The following CLPTM1L variants were observed in gnomAD, a reference collection of about 807,000 sequenced individuals.
CLPTM1L encodes the protein CLPTM1 like.
Under a neutral mutation model 70.9 loss-of-function variants are expected in CLPTM1L, and 38 were observed. That is an observed-to-expected ratio of 0.54 (90% CI 0.41 to 0.70). The LOEUF (loss-of-function observed/expected upper bound fraction) is 0.70, where lower values mean the gene tolerates loss of function less well. Among genes scored for constraint, CLPTM1L ranks in the 30% least tolerant of loss-of-function variants. The pLI is 0.00. For synonymous variants in CLPTM1L, 339 were observed against 299.9 expected (o/e 1.13, Z -1.35); for missense variants, 652 against 705.9 (o/e 0.92, Z 0.87).
chr5:1,321,578 G>T, intron 15 of CLPTM1L, 57 bp downstream of exon 15: 1 of 1,491,412 alleles, frequency 6.7e-7, no homozygotes, highest in Non-Finnish European at 9.4e-7. Context: ...GCTGGAAGAC[G>T]CCCTTGCTCA....
intron 15 of CLPTM1L, among the ~76,000 whole-genome samples, chr5:1,321,393 A>AAAG (rs10627644): frequency 0.01 from 1,593 of 152,352 alleles, 17 homozygotes; most frequent in African/African-American, 0.036. Flanking sequence ...AAACACTAAA[A>AAAG]AAGAAAAAGA....
chr5:1,323,684 C>T (rs1752325595), intron 12 of CLPTM1L, 103 bp downstream of exon 12: 18 of 923,678 alleles, frequency 1.9e-5, no homozygotes, highest in East Asian at 2.6e-5. Context: ...CCAAGTGCCC[C>T]GGCCCCGAGT....
chr5:1,338,009 G>C, intron 4 of CLPTM1L, 27 bp from the exon 5 acceptor site: 1 of 1,573,784 alleles, frequency 6.4e-7, no homozygotes, highest in African/African-American at 1.3e-5. Flanking sequence ...ACTTTCCAAA[G>C]TCAGCACCAA....
intron 2 of CLPTM1L, among the ~76,000 whole-genome samples, chr5:1,344,072 T>G (rs570671006): frequency 1.2e-4 from 19 of 152,354 alleles, no homozygotes; most frequent in African/African-American, 4.1e-4. Context: ...TCACCAAGCG[T>G]GGCCCCTGCT....
chr5:1,339,027 G>C (rs1254043260), intron 3 of CLPTM1L, 22 bp from the exon 4 acceptor site: 7 of 1,606,984 alleles, frequency 4.4e-6, no homozygotes, highest in Non-Finnish European at 6.0e-6. Flanking sequence ...GGAAAACAGA[G>C]GCCAATGCTG....
At chr5:1,325,889 G>T in intron 9 of CLPTM1L, 73 bp from the exon 10 acceptor site, 1 of 1,308,172 alleles carries the variant, frequency 7.6e-7, no homozygotes. Flanking sequence ...GACCCAGACA[G>T]TAACGGGTAG....
At chr5:1,330,507 C>T in intron 8 of CLPTM1L, 124 bp from the exon 9 acceptor site, 1 of 681,308 alleles carries the variant, frequency 1.5e-6, no homozygotes. Flanking sequence ...TCAGGTACTC[C>T]CCAGTCCACG....
At chr5:1,324,684 G>C in intron 11 of CLPTM1L, 79 bp downstream of exon 11, 2 of 1,328,078 alleles carry the variant, frequency 1.5e-6, no homozygotes, top group South Asian at 1.2e-5. Context: ...TCCGCACTGA[G>C]CAATGACAGT....
intron 5 of CLPTM1L, 86 bp downstream of exon 5, chr5:1,337,818 G>A: frequency 9.5e-7 from 1 of 1,057,194 alleles, no homozygotes; most frequent in South Asian, 1.3e-5. Context: ...CAATGGCCCG[G>A]TCCATTAGGG....
At chr5:1,320,383 C>T (rs562087743) in intron 16 of CLPTM1L, 5 of 421,302 alleles carry the variant, frequency 1.2e-5, no homozygotes, top group East Asian at 3.7e-5. Flanking sequence ...CACATAGAAA[C>T]GAGCATTTCT....
At position 1,329,392 on chromosome 5, in the gene CLPTM1L, ACT is replaced by A. The variant is rs1302435918; in HGVS notation, c.1080+886_1080+887del. On this transcript the variant is annotated intron_variant, in intron 9 of 16. Coordinates refer to ENST00000320895, the MANE Select transcript of CLPTM1L (RefSeq NM_030782.5). ...TGGGATTTCTCAAGCACATGAAAAC[ACT>A]CTGTTTGGTGGACAGGGCCTCAGGC... 8.5e-5 allele frequency among the ~76,000 whole-genome samples: 13 copies of A among 152,196 alleles called. No homozygotes were observed. In the East Asian group the frequency reaches 1.2e-3, roughly 14 times the overall value.
In CLPTM1L at chr5:1,345,046, G is replaced by C. The variant is rs1198118025; in HGVS notation, c.-205C>G. 2 of 168,300 alleles carry C rather than the reference G, an allele frequency of 1.2e-5. No individual in the cohort carries two copies. Among genetic ancestry groups the C allele is most frequent in the African/African-American group, 2.4e-5 (1 of 41,378 alleles). The allele number at this position is 168,300 out of a possible 1,614,324, so 10.4% of individuals were successfully genotyped here. A position where few individuals can be genotyped will look rare whatever the true frequency, so the allele number is the denominator to read the frequency against. The stretch of plus-strand genomic sequence containing the variant: ...TCCGGCCCCGCTCCCACCTGGCGCC[G>C]CGGGATTCGCCGGCCCCGCGCGCCG... On this transcript the variant is annotated 5_prime_UTR_variant, in exon 1 of 17. Transcript: ENST00000320895.
Position 1,344,697 on chromosome 5 carries a change from G to A in CLPTM1L, c.145C>T (p.Arg49Trp), listed in dbSNP as rs1273354043. The change falls in exon 1 of 17, where the codon CGG (arginine) becomes TGG (tryptophan). Residue 49 changes from arginine (R) to tryptophan (W), a missense_variant. Around this residue, in one of 3 missense-constraint regions of CLPTM1L, gnomAD observed 402 missense variants for 388.2 expected, o/e 1.04. Coordinates refer to ENST00000320895, the MANE Select transcript of CLPTM1L (RefSeq NM_030782.5). ...ACGCTCACCTGCAGCTTGGGCCGCC[G>A]CGCCAGGTAGGGCTGGATGCAGTTG... ...DANCIQPYLA[R>W]RPKLQLSVYT... The A allele has an allele frequency of 2.5e-6, 4 of 1,569,210 alleles. No homozygotes were observed. Among genetic ancestry groups the A allele is most frequent in the Non-Finnish European group, 2.6e-6 (3 of 1,158,864 alleles).
Position 1,333,248 on chromosome 5 carries a change from C to T in CLPTM1L, c.891+1041G>A, listed in dbSNP as rs547504232. On this transcript the variant is annotated intron_variant, in intron 7 of 16. Transcript: ENST00000320895. ...GGATAAGGGGGGACTACTGTATACA[C>T]ACCAGATAAGGGGGGACTACTGTAT... 6.7e-5 allele frequency among the ~76,000 whole-genome samples: 3 copies of T among 44,718 alleles called. No individual in the cohort carries two copies. The South Asian group carries it at 2.0e-3, about 30-fold the overall frequency. 29.3% of individuals were successfully genotyped at this position (44,718 alleles called of 152,430 possible).
At chr5:1,321,475 C>CT (rs367657423) in intron 15 of CLPTM1L, among the ~76,000 whole-genome samples, 160 bp downstream of exon 15, 1,933 of 149,834 alleles carry the variant, frequency 0.013, 13 homozygotes, top group Non-Finnish European at 0.02. Flanking sequence ...TAGCTCTTCG[C>CT]TTTTTTTTTT....
In CLPTM1L at chr5:1,344,718, A is replaced by C; in HGVS notation, c.124T>G (p.Cys42Gly). The stretch of plus-strand genomic sequence containing the variant: ...CGCCGCGCCAGGTAGGGCTGGATGC[A>C]GTTGGCGTCGCCGGAGCACGGGCGG... Reference protein sequence around the residue: ...YTRPCSGDANCIQPYLARRPK... With the variant: ...YTRPCSGDANGIQPYLARRPK... The change falls in exon 1 of 17, where the codon TGC becomes GGC. Residue 42 changes from cysteine to glycine, a missense_variant. Transcript: ENST00000320895. 1 of 1,591,282 alleles carries C rather than the reference A, an allele frequency of 6.3e-7. No homozygotes were observed.
chr5:1,325,997 C>T (rs1752510667), intron 9 of CLPTM1L, 181 bp from the exon 10 acceptor site: 1 of 589,760 alleles, frequency 1.7e-6, no homozygotes, highest in Admixed American at 3.0e-5. Context: ...GCCTCTAACC[C>T]ACACACGGCA....
intron 7 of CLPTM1L, chr5:1,332,146 G>A (rs1466356102): frequency 2.1e-6 from 1 of 476,560 alleles, no homozygotes. Flanking sequence ...AGGCCCCCAG[G>A]CAATTGGAGG....
At chr5:1,344,572 C>A in intron 1 of CLPTM1L, 108 bp downstream of exon 1, 1 of 1,455,216 alleles carries the variant, frequency 6.9e-7, no homozygotes, top group Non-Finnish European at 9.4e-7. Flanking sequence ...GGTTCCATCT[C>A]GACTCGCGCG....
Sources: gnomAD v4.1 joint callset for allele counts (sites outside exome capture counted in the v4.1 genomes callset) on GRCh38, gnomAD v4.1.1 for gene constraint, gnomAD v4.1.1 regional missense constraint, MANE v1.5 for transcripts, NCBI Gene and HGNC (gene_info 2026-07-23, HGNC 2026-07-21) for gene names.